The following SPOCK1 variants were observed in gnomAD, a reference collection of about 807,000 sequenced individuals.
SPOCK1 encodes the protein SPARC (osteonectin), cwcv and kazal like domains proteoglycan 1.
Under a neutral mutation model 55.3 loss-of-function variants are expected in SPOCK1, and 23 were observed. The ratio of observed to expected loss-of-function variants is 0.42; its 90% CI spans 0.30 to 0.59. SPOCK1 has a LOEUF of 0.59. SPOCK1 is among the 20% of genes least tolerant of loss of function. The pLI, the probability that SPOCK1 is intolerant of heterozygous loss-of-function variation, is 0.22. For synonymous variants in SPOCK1, 226 were observed against 221.0 expected, an observed-to-expected ratio of 1.02 and a Z score of -0.20; for missense variants, 499 against 552.5, an observed-to-expected ratio of 0.90 and a Z score of 0.97.
chr5:137,015,429 G>A (rs1023024498), intron 6 of SPOCK1, among the ~76,000 whole-genome samples: 6 of 152,164 alleles, frequency 3.9e-5, no homozygotes, highest in Admixed American at 2.0e-4. Context: ...TAGCCTGGAC[G>A]ACAGAGCAAG....
intron 3 of SPOCK1, among the ~76,000 whole-genome samples, chr5:137,259,632 G>T (rs1192204060): frequency 7.3e-6 from 1 of 136,998 alleles, no homozygotes; most frequent in Admixed American, 7.4e-5. Context: ...AGAACTTAAA[G>T]TATAATAATA....
intron 4 of SPOCK1, among the ~76,000 whole-genome samples, chr5:137,138,722 G>C (rs1348149448): frequency 1.4e-5 from 2 of 143,416 alleles, no homozygotes; most frequent in Non-Finnish European, 3.0e-5. Flanking sequence ...CCAAAAAAAA[G>C]TGGTATTTTT....
rs142259245 is a variant in SPOCK1, at chr5:137,072,394, G to A, written c.475-4565C>T. Among the ~76,000 whole-genome samples the A allele has an allele frequency of 9.2e-5, 14 of 152,122 alleles. No homozygotes were observed. The East Asian group carries it at 1.4e-3, about 15-fold the overall frequency. On this transcript the variant is annotated intron_variant, in intron 5 of 10. Coordinates refer to ENST00000394945, the MANE Select transcript of SPOCK1 (RefSeq NM_004598.4). ...AAACCCCTGGGGATTCTAGACCCTC[G>A]ACCTGCTAAAACAGAGATGCCTGCC...
At chr5:137,114,554 G>A (rs1753541848) in intron 4 of SPOCK1, among the ~76,000 whole-genome samples, 1 of 152,174 alleles carries the variant, frequency 6.6e-6, no homozygotes, top group Non-Finnish European at 1.5e-5. Context: ...TGGGCATGAG[G>A]CCTCCTATTA....
chr5:137,426,415 C>T (rs1348946202), intron 2 of SPOCK1, among the ~76,000 whole-genome samples: 1 of 152,176 alleles, frequency 6.6e-6, no homozygotes, highest in African/African-American at 2.4e-5. Context: ...GTACGGTATA[C>T]TCTTTGGATA....
intron 2 of SPOCK1, among the ~76,000 whole-genome samples, chr5:137,462,075 C>A (rs1222275793): frequency 6.6e-6 from 1 of 152,184 alleles, no homozygotes; most frequent in Non-Finnish European, 1.5e-5. Flanking sequence ...TGTGCCTGCA[C>A]CTGCTGGCAG....
chr5:137,379,029 C>T (rs1008315979), intron 2 of SPOCK1, among the ~76,000 whole-genome samples: 1 of 152,076 alleles, frequency 6.6e-6, no homozygotes, highest in Non-Finnish European at 1.5e-5. Context: ...ATATCTTGAG[C>T]CTCTTCATCT....
At chr5:137,354,334 T>A (rs975713015) in intron 2 of SPOCK1, among the ~76,000 whole-genome samples, 1 of 152,120 alleles carries the variant, frequency 6.6e-6, no homozygotes, top group African/African-American at 2.4e-5. Context: ...CCTGCCCTCA[T>A]TGGTCCTCAC....
intron 4 of SPOCK1, among the ~76,000 whole-genome samples, chr5:137,134,483 C>T (rs1753943410): frequency 6.6e-6 from 1 of 152,196 alleles, no homozygotes; most frequent in Non-Finnish European, 1.5e-5. Flanking sequence ...ACCCAGAACA[C>T]AGTAAATGAA....
chr5:137,267,774 T>C (rs968884525), intron 2 of SPOCK1, among the ~76,000 whole-genome samples: 1 of 152,168 alleles, frequency 6.6e-6, no homozygotes, highest in African/African-American at 2.4e-5. Flanking sequence ...CTAATAACCC[T>C]TTCCTTCCTA....
chr5:137,085,603 G>A (rs1326266494), intron 5 of SPOCK1, among the ~76,000 whole-genome samples: 4 of 152,064 alleles, frequency 2.6e-5, no homozygotes, highest in Admixed American at 2.6e-4. Context: ...AATGAAGGAA[G>A]ATCAAGCCAG....
intron 2 of SPOCK1, among the ~76,000 whole-genome samples, chr5:137,306,705 TTTTC>T (rs1757705771): frequency 3.0e-5 from 3 of 100,382 alleles, no homozygotes; most frequent in Admixed American, 2.3e-4. Context: ...TGTAAATCTG[TTTTC>T]TTTTTTTTTT....
At chr5:136,985,044 T>G in intron 9 of SPOCK1, 96 bp downstream of exon 9, 1 of 1,214,836 alleles carries the variant, frequency 8.2e-7, no homozygotes, top group East Asian at 2.3e-5. Context: ...CATGAAACAC[T>G]AGCCCTAATT....
intron 2 of SPOCK1, among the ~76,000 whole-genome samples, chr5:137,376,019 C>A (rs1477444447): frequency 6.6e-6 from 1 of 152,204 alleles, no homozygotes; most frequent in East Asian, 1.9e-4. Flanking sequence ...GCACTGAATG[C>A]AATAAAACTG....
intron 8 of SPOCK1, 103 bp from the exon 9 acceptor site, chr5:136,985,305 G>A (rs1201136981): frequency 1.9e-5 from 21 of 1,121,148 alleles, no homozygotes; most frequent in Non-Finnish European, 2.7e-5. Context: ...ACACACCTGG[G>A]AGTGGAATTG....
intron 6 of SPOCK1, among the ~76,000 whole-genome samples, chr5:137,002,267 A>G (rs1751167297): frequency 1.3e-5 from 2 of 152,186 alleles, no homozygotes; most frequent in African/African-American, 4.8e-5. Context: ...AGCTGATTTG[A>G]GGAGACTTTA....
At chr5:137,385,539 A>G (rs1751580639) in intron 2 of SPOCK1, among the ~76,000 whole-genome samples, 1 of 152,210 alleles carries the variant, frequency 6.6e-6, no homozygotes, top group African/African-American at 2.4e-5. Context: ...TGTGCTTGGG[A>G]ATTGTTTTGT....
At chr5:137,167,354 A>G (rs1228351535) in intron 3 of SPOCK1, among the ~76,000 whole-genome samples, 2 of 152,034 alleles carry the variant, frequency 1.3e-5, no homozygotes. Flanking sequence ...GACAGACCCA[A>G]TACAATAATA....
intron 2 of SPOCK1, among the ~76,000 whole-genome samples, chr5:137,371,538 G>A (rs1427200877): frequency 3.9e-5 from 6 of 152,146 alleles, no homozygotes; most frequent in Non-Finnish European, 8.8e-5. Context: ...TAGGTAACAG[G>A]ATTTACCATG....
Sources: gnomAD v4.1 joint callset for allele counts (sites outside exome capture counted in the v4.1 genomes callset) on GRCh38, gnomAD v4.1.1 for gene constraint, MANE v1.5 for transcripts, NCBI Gene and HGNC (gene_info 2026-07-23, HGNC 2026-07-21) for gene names.